The following SEM1 variants were observed in gnomAD, a reference collection of about 807,000 sequenced individuals.
The protein encoded by SEM1 is SEM1 26S proteasome subunit.
In SEM1, 3 loss-of-function variants were observed where a neutral mutation model predicts 12.7. The observed-to-expected ratio is 0.24, with a 90% CI of 0.11 to 0.61. SEM1 has a LOEUF of 0.61. Ranked by LOEUF, SEM1 falls within the 20% of genes least tolerant of loss-of-function variation. The pLI is 0.88. For missense variants in SEM1, 59 were observed against 81.3 expected (o/e 0.73, Z 1.06); for synonymous variants, 30 against 27.8 (o/e 1.08, Z -0.25).
At chr7:96,669,874 C>T (rs1789268308), downstream of SEM1, among the ~76,000 whole-genome samples, 1 of 152,132 alleles carries the variant, frequency 6.6e-6, no homozygotes, top group South Asian at 2.1e-4. Context: ...AAAATGATCA[C>T]TATTTGTTGA....
chr7:96,620,158 C>G (rs532321226), downstream of SEM1, among the ~76,000 whole-genome samples: 17 of 152,092 alleles, frequency 1.1e-4, no homozygotes, highest in East Asian at 3.1e-3. Context: ...GCATTAGACT[C>G]GAAATGGTGC....
At position 96,542,423 on chromosome 7, in the gene SEM1, GC is replaced by G. The variant is rs1804985489; in HGVS notation, c.171-35726del. On this transcript the variant is annotated intron_variant and NMD_transcript_variant, in intron 2 of 3. Transcript: ENST00000466986. Reference sequence around the variant, plus strand: ...TTGAATATTACTGGTGTATAGAAATGCTGCTGGCTTTTGTACATTGATTTTA... The same window carrying G: ...TTGAATATTACTGGTGTATAGAAATGTGCTGGCTTTTGTACATTGATTTTA... Among the ~76,000 whole-genome samples the G allele has an allele frequency of 2.6e-5, 4 of 151,876 alleles. No individual in the cohort carries two copies. In the South Asian group the frequency reaches 8.3e-4, roughly 32 times the overall value.
At chr7:96,705,598 C>T (rs906282783) in intron 1 of SEM1, among the ~76,000 whole-genome samples, 10 of 152,006 alleles carry the variant, frequency 6.6e-5, no homozygotes, top group South Asian at 4.2e-4. Flanking sequence ...GAGGCCGAGG[C>T]GGGCGGATCA....
At chr7:96,585,114 CT>C (rs774215444) in intron 2 of SEM1, among the ~76,000 whole-genome samples, 1 of 152,126 alleles carries the variant, frequency 6.6e-6, no homozygotes, top group Admixed American at 6.5e-5. Context: ...TACTTTTGGT[CT>C]TTGATGATGG....
intron 2 of SEM1, among the ~76,000 whole-genome samples, chr7:96,572,844 T>A (rs555630806): frequency 2.8e-4 from 42 of 152,258 alleles, no homozygotes; most frequent in Admixed American, 8.5e-4. Flanking sequence ...CCTTGTTAAT[T>A]TTCTGTCTCA....
intron 2 of SEM1, among the ~76,000 whole-genome samples, chr7:96,647,184 G>A (rs901569406): frequency 6.6e-6 from 1 of 152,130 alleles, no homozygotes; most frequent in Non-Finnish European, 1.5e-5. Context: ...GGGAGGTGAG[G>A]TATAGCACTG....
chr7:96,542,322 T>C (rs75871280), intron 2 of SEM1, among the ~76,000 whole-genome samples: 1,901 of 152,018 alleles, frequency 0.013, 39 homozygotes, highest in African/African-American at 0.044. Context: ...ATCACCTTAT[T>C]GGTTACATAT....
chr7:96,490,998 T>C (rs928373772), intron 1 of SEM1, among the ~76,000 whole-genome samples: 2 of 152,198 alleles, frequency 1.3e-5, no homozygotes, highest in Non-Finnish European at 2.9e-5. Flanking sequence ...TCTCTGAGAT[T>C]ACTTGCAGTT....
chr7:96,526,791 G>A (rs547237123), intron 2 of SEM1, among the ~76,000 whole-genome samples: 1 of 152,002 alleles, frequency 6.6e-6, no homozygotes, highest in South Asian at 2.1e-4. Context: ...CTTGTGTTCT[G>A]TGGGAGGTTA....
intron 2 of SEM1, among the ~76,000 whole-genome samples, chr7:96,581,219 A>G (rs1387681567): frequency 2.0e-5 from 3 of 152,166 alleles, no homozygotes; most frequent in Non-Finnish European, 4.4e-5. Flanking sequence ...ACCATTTATT[A>G]AATAGGGAAT....
At chr7:96,593,003 A>T (rs1340855162) in intron 2 of SEM1, among the ~76,000 whole-genome samples, 9 of 115,712 alleles carry the variant, frequency 7.8e-5, no homozygotes, top group Admixed American at 1.7e-4. Context: ...CCATATTAAA[A>T]AAAAAAAAAA....
chr7:96,511,681 T>G (rs906166601), intron 2 of SEM1, among the ~76,000 whole-genome samples: 1 of 152,150 alleles, frequency 6.6e-6, no homozygotes, highest in Non-Finnish European at 1.5e-5. Flanking sequence ...GATACCCAGG[T>G]TCTTACATCA....
At chr7:96,671,370 C>T (rs548116103), downstream of SEM1, among the ~76,000 whole-genome samples, 5 of 152,194 alleles carry the variant, frequency 3.3e-5, no homozygotes, top group South Asian at 1.0e-3. Context: ...TGAAAACCAG[C>T]TTTTACCCAT....
chr7:96,646,050 T>C (rs1209362559), intron 2 of SEM1: 4 of 395,502 alleles, frequency 1.0e-5, no homozygotes, highest in African/African-American at 8.2e-5. Context: ...CCCAGATATA[T>C]ATCCCTCCCT....
At chr7:96,613,982 A>G (rs962757869) in intron 2 of SEM1, among the ~76,000 whole-genome samples, 3 of 152,214 alleles carry the variant, frequency 2.0e-5, no homozygotes, top group African/African-American at 7.2e-5. Flanking sequence ...TATCTTGGCT[A>G]TTGTGAATAG....
chr7:96,527,218 C>T (rs183874045), intron 2 of SEM1, among the ~76,000 whole-genome samples: 25 of 152,208 alleles, frequency 1.6e-4, no homozygotes, highest in Admixed American at 1.6e-3. Flanking sequence ...AAAAAAATCC[C>T]TAGCTAATAA....
intron 2 of SEM1, among the ~76,000 whole-genome samples, chr7:96,551,817 G>C (rs1418203734): frequency 6.6e-6 from 1 of 152,080 alleles, no homozygotes. Context: ...AGGACTGCTG[G>C]CAGCCACCAG....
At chr7:96,664,937 G>A (rs1276282377) in intron 2 of SEM1, among the ~76,000 whole-genome samples, 1 of 152,206 alleles carries the variant, frequency 6.6e-6, no homozygotes, top group East Asian at 1.9e-4. Context: ...TGGACACACA[G>A]CAGTCTCTGA....
At chr7:96,566,320 C>G (rs1340372590) in intron 2 of SEM1, among the ~76,000 whole-genome samples, 3 of 151,516 alleles carry the variant, frequency 2.0e-5, no homozygotes, top group African/African-American at 7.3e-5. Context: ...GTATGTCAAT[C>G]TGATAGGTTT....
Sources: allele counts gnomAD v4.1 joint callset (sites outside exome capture counted in the v4.1 genomes callset), GRCh38; gene constraint gnomAD v4.1.1; transcripts MANE v1.5; gene names NCBI Gene and HGNC (gene_info 2026-07-23, HGNC 2026-07-21).